AP2B1: variants seen among roughly 807,000 people sequenced by gnomAD.
The protein encoded by AP2B1 is AP-2 complex subunit beta.
In AP2B1, 23 loss-of-function variants were observed where a neutral mutation model predicts 102.0. That is an observed-to-expected ratio of 0.23 (90% CI 0.16 to 0.32). AP2B1 has a LOEUF of 0.32. Ranked by LOEUF, AP2B1 falls within the 10% of genes least tolerant of loss-of-function variation. The pLI is 1.00. For missense variants in AP2B1, 541 were observed against 1,157.4 expected, an observed-to-expected ratio of 0.47 and a Z score of 7.73; for synonymous variants, 381 against 421.2, an observed-to-expected ratio of 0.90 and a Z score of 1.17.
chr17:35,708,410 G>T (rs587742569), intron 18 of AP2B1, among the ~76,000 whole-genome samples: 4 of 151,764 alleles, frequency 2.6e-5, no homozygotes, highest in Admixed American at 2.0e-4. Context: ...AATCAGTGTT[G>T]CCCTGAATAA....
At chr17:35,600,605 TATTAAAGAGAGTTGCAAAAAA>T (rs567099869) in intron 3 of AP2B1, among the ~76,000 whole-genome samples, 116 of 152,312 alleles carry the variant, frequency 7.6e-4, no homozygotes, top group South Asian at 2.5e-3. Flanking sequence ...TTCAAGTAGA[TATTAAAGAGAGTTGCAAAAAA>T]ATAAAAAAGC....
At chr17:35,646,123 G>C (rs888006789) in intron 12 of AP2B1, among the ~76,000 whole-genome samples, 2 of 152,212 alleles carry the variant, frequency 1.3e-5, no homozygotes, top group African/African-American at 2.4e-5. Flanking sequence ...AAGAATTACT[G>C]TTTTAGTGCT....
In AP2B1 at chr17:35,709,314, T is replaced by A; in HGVS notation, c.2539+6T>A. 6.2e-7 allele frequency: 1 copy of A among 1,610,872 alleles called. No homozygotes were observed. On this transcript the variant is annotated splice_donor_region_variant and intron_variant, in intron 19 of 21. Coordinates refer to ENST00000610402, the MANE Select transcript of AP2B1 (RefSeq NM_001030006.2). ...TGTAGAAGATGGCAAAATGGGTAAG[T>A]ACCTTCCTGCCTGTCCTGCTGAATA...
chr17:35,688,949 A>G (rs1406731031), intron 18 of AP2B1, among the ~76,000 whole-genome samples: 1 of 152,046 alleles, frequency 6.6e-6, no homozygotes, highest in Non-Finnish European at 1.5e-5. Flanking sequence ...GCGTGACAGA[A>G]CGAGCCACAA....
intron 13 of AP2B1, among the ~76,000 whole-genome samples, chr17:35,655,543 T>C (rs1320572715): frequency 1.3e-5 from 2 of 152,246 alleles, no homozygotes; most frequent in Non-Finnish European, 2.9e-5. Context: ...TCCATGAATA[T>C]ACCATTTATA....
intron 5 of AP2B1, among the ~76,000 whole-genome samples, chr17:35,617,859 G>A (rs1369573408): frequency 6.6e-6 from 1 of 152,116 alleles, no homozygotes; most frequent in African/African-American, 2.4e-5. Context: ...TAACTGTGAT[G>A]GTTATAGGCA....
intron 14 of AP2B1, chr17:35,659,979 C>T (rs991197568): frequency 3.0e-5 from 30 of 985,162 alleles, no homozygotes; most frequent in African/African-American, 2.1e-4. Context: ...GTTTCTAAGG[C>T]GGCAGTGGAC....
intron 14 of AP2B1, among the ~76,000 whole-genome samples, chr17:35,666,516 G>A (rs1319872356): frequency 4.6e-5 from 7 of 152,058 alleles, no homozygotes; most frequent in Admixed American, 6.5e-5. Flanking sequence ...TGAAGTTGCC[G>A]TCTTTCCCCC....
chr17:35,626,886 C>T, intron 7 of AP2B1, 44 bp downstream of exon 7: 1 of 1,542,912 alleles, frequency 6.5e-7, no homozygotes, highest in Non-Finnish European at 8.9e-7. Context: ...TGTAATTTTG[C>T]ATTAAGCTTA....
chr17:35,600,863 C>A, intron 3 of AP2B1: 2 of 292,762 alleles, frequency 6.8e-6, no homozygotes, highest in Non-Finnish European at 1.0e-5. Flanking sequence ...GTGAGGGCTG[C>A]TTCCCTAACC....
At chr17:35,672,145 T>C (rs75967051) in intron 16 of AP2B1, among the ~76,000 whole-genome samples, 1,530 of 152,324 alleles carry the variant, frequency 0.01, 20 homozygotes, top group African/African-American at 0.035. Context: ...TTTGTTCTCA[T>C]GTTTAGAAAT....
Position 35,682,754 on chromosome 17 carries a change from G to A in AP2B1, c.2384G>A (p.Ser795Asn). 6.2e-7 allele frequency: 1 copy of A among 1,613,150 alleles called. No homozygotes were observed. Among genetic ancestry groups the A allele is most frequent in the Non-Finnish European group, 8.5e-7 (1 of 1,179,322 alleles). ...CATACACCACTGATGCCAAACCAGA[G>A]CATTGATGTCTCCCTGCCTCTCAAT... ...AIHTPLMPNQ[S>N]IDVSLPLNTL... Residue 795 changes from serine to asparagine, a missense_variant, in exon 18 of 22, where the codon AGC becomes AAC. Around this residue, in one of 10 missense-constraint regions of AP2B1, gnomAD observed 117 missense variants for 206.7 expected, o/e 0.57. Transcript: ENST00000610402.
At chr17:35,603,817 C>T (rs1194826087) in intron 3 of AP2B1, among the ~76,000 whole-genome samples, 1 of 152,092 alleles carries the variant, frequency 6.6e-6, no homozygotes, top group Non-Finnish European at 1.5e-5. Context: ...TTCCTTTTGC[C>T]CTGTCGCACT....
intron 5 of AP2B1, among the ~76,000 whole-genome samples, chr17:35,610,156 T>TTTTATTA (rs1404709078): frequency 6.6e-6 from 1 of 151,818 alleles, no homozygotes; most frequent in Non-Finnish European, 1.5e-5. Context: ...ATTTTTTATT[T>TTTTATTA]TTTTTTGAGA....
rs2143007551 is a variant in AP2B1 at position 35,709,265 on chromosome 17, C to T, written c.2496C>T (p.Cys832=). The T allele has an allele frequency of 1.2e-6, 2 of 1,614,144 alleles. No individual in the cohort carries two copies. Among genetic ancestry groups the T allele is most frequent in the South Asian group, 2.2e-5 (2 of 91,084 alleles). The change falls in exon 19 of 22, where the codon TGC becomes TGT. Residue 832 remains cysteine (C), a synonymous_variant. Coordinates refer to ENST00000610402, the MANE Select transcript of AP2B1 (RefSeq NM_001030006.2). ...ATATCGATGTCTTCTACTTCAGCTGCCTCATCCCACTCAATGTGCTTTTTG... is the reference window on the plus strand; with the variant it reads ...ATATCGATGTCTTCTACTTCAGCTGTCTCATCCCACTCAATGTGCTTTTTG... ...KNNIDVFYFS[C]LIPLNVLFVE...
At chr17:35,632,132 G>GT (rs35045259) in intron 9 of AP2B1, among the ~76,000 whole-genome samples, 3 of 137,998 alleles carry the variant, frequency 2.2e-5, no homozygotes, top group Non-Finnish European at 4.8e-5. Flanking sequence ...TGTTTTATTT[G>GT]TTTTTTGGGG....
intron 5 of AP2B1, among the ~76,000 whole-genome samples, chr17:35,620,331 T>C (rs891992524): frequency 1.9e-4 from 28 of 150,864 alleles, no homozygotes; most frequent in Admixed American, 1.3e-3. Flanking sequence ...AAAAAAAAAA[T>C]TAGCCAGGCA....
chr17:35,601,860 C>T (rs1467295634), intron 3 of AP2B1, among the ~76,000 whole-genome samples: 1 of 151,760 alleles, frequency 6.6e-6, no homozygotes, highest in Non-Finnish European at 1.5e-5. Flanking sequence ...TCACTGCAAC[C>T]CCCGACTCCC....
At chr17:35,641,390 T>C (rs936043749) in intron 11 of AP2B1, among the ~76,000 whole-genome samples, 10 of 152,254 alleles carry the variant, frequency 6.6e-5, no homozygotes, top group Middle Eastern at 6.8e-3. Flanking sequence ...CCTGGCAACA[T>C]TGCAAGACTA....
Sources: allele counts gnomAD v4.1 joint callset (sites outside exome capture counted in the v4.1 genomes callset), GRCh38; gene constraint gnomAD v4.1.1; regional missense constraint gnomAD v4.1.1; transcripts MANE v1.5; gene names NCBI Gene and HGNC (gene_info 2026-07-23, HGNC 2026-07-21).